MAGI2: variants seen among roughly 807,000 people sequenced by gnomAD.
MAGI2 encodes the protein membrane-associated guanylate kinase, WW and PDZ domain-containing protein 2.
MAGI2 carries 35 observed loss-of-function variants against 133.3 expected under a neutral mutation model. The ratio of observed to expected loss-of-function variants is 0.26; its 90% CI spans 0.20 to 0.35. The LOEUF (loss-of-function observed/expected upper bound fraction) is 0.35, where lower values mean the gene tolerates loss of function less well. Among genes scored for constraint, MAGI2 ranks in the 10% least tolerant of loss-of-function variants. The pLI is 1.00. For synonymous variants in MAGI2, 729 were observed against 710.6 expected, an observed-to-expected ratio of 1.03 and a Z score of -0.41; for missense variants, 1,636 against 1,863.4, an observed-to-expected ratio of 0.88 and a Z score of 2.25.
At chr7:78,786,282 A>G (rs1280012597) in intron 2 of MAGI2, among the ~76,000 whole-genome samples, 1 of 152,140 alleles carries the variant, frequency 6.6e-6, no homozygotes, top group African/African-American at 2.4e-5. Flanking sequence ...AGGCGGGTCC[A>G]AGCTACTCTC....
rs71095390 is a variant in MAGI2 at position 79,280,926 on chromosome 7, G to GAAAAAA, written c.301+172088_301+172093dup. ...GGTGACAGAGCAAGACTCTGTCTCT[G>GAAAAAA]AAAAAAAAAAAAAAAAAAAAAAAAA... On this transcript the variant is annotated intron_variant, in intron 1 of 21. Transcript: ENST00000354212. Among the ~76,000 whole-genome samples, 18 of 35,786 alleles carry GAAAAAA rather than the reference G, an allele frequency of 5.0e-4. 3 individuals are homozygous for GAAAAAA. Among genetic ancestry groups the GAAAAAA allele is most frequent in the South Asian group, 2.3e-3 (1 of 442 alleles). 23.5% of individuals were successfully genotyped at this position (35,786 alleles called of 152,430 possible). A position where few individuals can be genotyped will look rare whatever the true frequency, so the allele number is the denominator to read the frequency against.
At chr7:78,470,995 C>T (rs1791143384) in intron 6 of MAGI2, among the ~76,000 whole-genome samples, 1 of 152,152 alleles carries the variant, frequency 6.6e-6, no homozygotes, top group African/African-American at 2.4e-5. Context: ...AATGACTTCA[C>T]AAGTCCACAC....
intron 1 of MAGI2, among the ~76,000 whole-genome samples, chr7:79,314,518 G>C (rs1267371293): frequency 1.3e-5 from 2 of 152,196 alleles, no homozygotes. Flanking sequence ...AAGCCCTGTA[G>C]AGTCATGGAA....
In MAGI2 at chr7:78,623,493, C is replaced by G. The variant is rs573901176; in HGVS notation, c.538+3627G>C. ...AGGCAGCTTTATATTATGAACACAA[C>G]TTCTTTATTTAAAATGTTTTCAATA... is the stretch of plus-strand genomic sequence containing the variant. On this transcript the variant is annotated intron_variant, in intron 3 of 21. Transcript: ENST00000354212. Among the ~76,000 whole-genome samples, 5 of 152,004 alleles carry G rather than the reference C, an allele frequency of 3.3e-5. No homozygotes were observed. In the South Asian group the frequency reaches 8.3e-4, roughly 25 times the overall value.
chr7:79,315,165 T>TTTC (rs1491360139), intron 1 of MAGI2, among the ~76,000 whole-genome samples: 1 of 15,094 alleles, frequency 6.6e-5, no homozygotes, highest in Non-Finnish European at 1.8e-4. Context: ...GATTTAACTC[T>TTTC]TTTTTTTTTT....
chr7:78,254,855 C>A (rs1321632779), intron 10 of MAGI2: 1 of 152,196 alleles, frequency 6.6e-6, no homozygotes, highest in East Asian at 1.9e-4. Context: ...TTCCTTCTGA[C>A]CCACCCATGC....
chr7:79,097,937 C>T (rs570197881), intron 1 of MAGI2, among the ~76,000 whole-genome samples: 3 of 152,112 alleles, frequency 2.0e-5, no homozygotes, highest in Non-Finnish European at 4.4e-5. Context: ...GCCTGACCAA[C>T]ATTGTGAAAC....
rs141449720 is a variant in MAGI2 at position 78,768,085 on chromosome 7, T to C, written c.419-140846A>G. On this transcript the variant is annotated intron_variant, in intron 2 of 21. Coordinates refer to ENST00000354212, the MANE Select transcript of MAGI2 (RefSeq NM_012301.4). ...AGTTTCTAAGATTGTGATTCTTTTATATGTACACATTATCTGGTTTAAATA... is the reference window on the plus strand; with the variant it reads ...AGTTTCTAAGATTGTGATTCTTTTACATGTACACATTATCTGGTTTAAATA... Among the ~76,000 whole-genome samples, 249 of 152,370 alleles carry C rather than the reference T, an allele frequency of 1.6e-3. 1 individual carries two copies. The highest frequency in any genetic ancestry group is 0.014 in the Middle Eastern group (4 of 294).
At chr7:79,397,281 G>A (rs530626106) in intron 1 of MAGI2, among the ~76,000 whole-genome samples, 7 of 151,124 alleles carry the variant, frequency 4.6e-5, no homozygotes, top group Non-Finnish European at 1.0e-4. Flanking sequence ...ACATAGATTT[G>A]ATTATTTTTT....
In MAGI2 at chr7:79,112,983, T is replaced by G. The variant is rs540916035; in HGVS notation, c.302-105777A>C. Among the ~76,000 whole-genome samples the G allele has an allele frequency of 6.9e-4, 105 of 152,334 alleles. No individual in the cohort carries two copies. In the South Asian group the frequency reaches 0.02, roughly 29 times the overall value. On this transcript the variant is annotated intron_variant, in intron 1 of 21. Transcript: ENST00000354212. Reference sequence around the variant, plus strand: ...TTTAAACATTGGGAACATTGAGAATTAAAAAAATAATTTTTAGTAAAAACT... The same window carrying G: ...TTTAAACATTGGGAACATTGAGAATGAAAAAAATAATTTTTAGTAAAAACT...
chr7:78,376,100 T>C (rs1585049807), intron 6 of MAGI2, among the ~76,000 whole-genome samples: 5 of 152,254 alleles, frequency 3.3e-5, no homozygotes, highest in Admixed American at 2.6e-4. Flanking sequence ...ACAGTCCCAT[T>C]ACCTCATGTA....
At chr7:78,797,829 A>T (rs1317070252) in intron 2 of MAGI2, among the ~76,000 whole-genome samples, 1 of 152,114 alleles carries the variant, frequency 6.6e-6, no homozygotes, top group East Asian at 1.9e-4. Context: ...ACCCTTAGAG[A>T]GCTGGTCTAG....
chr7:78,983,113 T>G (rs1804929852), intron 2 of MAGI2, among the ~76,000 whole-genome samples: 1 of 151,946 alleles, frequency 6.6e-6, no homozygotes. Flanking sequence ...TTAAGTAAAA[T>G]ATGTTTTAAA....
chr7:79,008,324 CACAGGTGCAAA>C (rs1176097534), intron 1 of MAGI2, among the ~76,000 whole-genome samples: 14 of 152,128 alleles, frequency 9.2e-5, no homozygotes, highest in Non-Finnish European at 1.5e-4. Context: ...TGTAGGTGTG[CACAGGTGCAAA>C]ACAAACAGCT....
intron 1 of MAGI2, among the ~76,000 whole-genome samples, chr7:79,442,487 T>TGTGTGTGTGTGTGTG: frequency 6.6e-6 from 1 of 150,732 alleles, no homozygotes; most frequent in South Asian, 2.1e-4. Context: ...TGTGTGTGTG[T>TGTGTGTGTGTGTGTG]TCCATGTATC....
chr7:79,358,936 C>A (rs1842198693), intron 1 of MAGI2, among the ~76,000 whole-genome samples: 1 of 152,116 alleles, frequency 6.6e-6, no homozygotes, highest in South Asian at 2.1e-4. Flanking sequence ...ACCTAATAGA[C>A]AAAATGCCAA....
chr7:78,246,945 G>A (rs1442010014), intron 10 of MAGI2, among the ~76,000 whole-genome samples: 1 of 152,136 alleles, frequency 6.6e-6, no homozygotes, highest in Non-Finnish European at 1.5e-5. Flanking sequence ...TCCTGGCTCT[G>A]TGGGCAATCT....
At chr7:78,408,277 C>T (rs1050943651) in intron 6 of MAGI2, among the ~76,000 whole-genome samples, 11 of 152,114 alleles carry the variant, frequency 7.2e-5, no homozygotes, top group African/African-American at 2.7e-4. Flanking sequence ...ATATACTTCT[C>T]ATTTTTTACG....
chr7:78,259,912 A>G (rs1793354206), intron 9 of MAGI2, among the ~76,000 whole-genome samples: 1 of 152,186 alleles, frequency 6.6e-6, no homozygotes, highest in Admixed American at 6.5e-5. Context: ...AAACAGAGTG[A>G]GAACTATTTG....
Sources: allele counts gnomAD v4.1 joint callset (sites outside exome capture counted in the v4.1 genomes callset), GRCh38; gene constraint gnomAD v4.1.1; transcripts MANE v1.5; gene names NCBI Gene and HGNC (gene_info 2026-07-23, HGNC 2026-07-21).